Variants in TBCE observed in about 807,000 individuals in gnomAD.
The protein encoded by TBCE is tubulin folding cofactor E.
In TBCE, 53 loss-of-function variants were observed where a neutral mutation model predicts 77.0. That is an observed-to-expected ratio of 0.69 (90% CI 0.55 to 0.87). TBCE has a LOEUF of 0.87. Among genes scored for constraint, TBCE ranks in the 40% least tolerant of loss-of-function variants. The pLI, the probability that TBCE is intolerant of heterozygous loss-of-function variation, is 0.00. For missense variants in TBCE, 624 were observed against 622.4 expected, an observed-to-expected ratio of 1.00 and a Z score of -0.03; for synonymous variants, 235 against 241.3, an observed-to-expected ratio of 0.97 and a Z score of 0.24.
intron 1 of TBCE, among the ~76,000 whole-genome samples, chr1:235,373,187 G>T (rs772075410): frequency 2.0e-5 from 3 of 151,926 alleles, no homozygotes; most frequent in African/African-American, 7.3e-5. Context: ...GTTAATAAAA[G>T]AAGTAGAACA....
intron 14 of TBCE, among the ~76,000 whole-genome samples, chr1:235,442,461 C>T (rs929070181): frequency 5.9e-5 from 9 of 151,776 alleles, no homozygotes; most frequent in Non-Finnish European, 8.8e-5. Flanking sequence ...TGAGCTACCG[C>T]GCCCTGTCAA....
Position 235,435,817 on chromosome 1 carries a change from G to A in TBCE, c.810G>A (p.Leu270=). ...ATCAATTAATTGATGAAAATCAGCT[G>A]TATCTGATAGCCCACCTGCCCAGGT... ...SSNQLIDENQ[L]YLIAHLPRLE... The change falls in exon 9 of 17, where the codon CTG becomes CTA. Residue 270 remains leucine (L), a synonymous_variant. Coordinates refer to ENST00000642610, the MANE Select transcript of TBCE (RefSeq NM_003193.5). 1.2e-6 allele frequency: 2 copies of A among 1,614,094 alleles called. No individual in the cohort carries two copies. Among genetic ancestry groups the A allele is most frequent in the Admixed American group, 1.7e-5 (1 of 60,008 alleles).
chr1:235,441,909 A>G lies in TBCE; in HGVS notation c.1339+27A>G, dbSNP rs571516848. The G allele has an allele frequency of 1.6e-5, 26 of 1,603,480 alleles. No individual in the cohort carries two copies. The East Asian group carries it at 4.5e-4, about 28-fold the overall frequency. On this transcript the variant is annotated intron_variant, in intron 14 of 16. Transcript: ENST00000642610. ...TAAGAATCTCAGATTCAAATAGTTT[A>G]TTTGTATTTGAGTGCTTAGGTGCTG...
intron 9 of TBCE, 85 bp from the exon 10 acceptor site, chr1:235,436,301 A>G: frequency 7.3e-7 from 1 of 1,366,080 alleles, no homozygotes; most frequent in Non-Finnish European, 1.0e-6. Context: ...GGGTGTAGGA[A>G]AAAAATTTAC....
chr1:235,371,699 T>A (rs777943863), intron 1 of TBCE, among the ~76,000 whole-genome samples: 7 of 148,196 alleles, frequency 4.7e-5, no homozygotes, highest in Non-Finnish European at 9.0e-5. Context: ...TGAGACAGAG[T>A]TTTGCTCTTG....
At chr1:235,404,033 C>T (rs1679272452) in intron 3 of TBCE, among the ~76,000 whole-genome samples, 1 of 152,156 alleles carries the variant, frequency 6.6e-6, no homozygotes, top group South Asian at 2.1e-4. Context: ...AATCCCAGCA[C>T]TTTGGGAGGC....
chr1:235,432,996 C>T (rs746908693), intron 7 of TBCE: 83 of 1,506,854 alleles, frequency 5.5e-5, no homozygotes, highest in African/African-American at 5.6e-5. Context: ...TGCAGAAAGA[C>T]GCCAGCAAGT....
At chr1:235,400,421 G>A (rs1175201357) in intron 2 of TBCE, among the ~76,000 whole-genome samples, 2 of 15,898 alleles carry the variant, frequency 1.3e-4, no homozygotes, top group Admixed American at 5.1e-4. Flanking sequence ...TTTTTTTTGA[G>A]ATGGAGTCTC....
chr1:235,441,567 ACTGGTCATTAACAATGAGCTAGATAAG>A, intron 13 of TBCE: 1 of 530,212 alleles, frequency 1.9e-6, no homozygotes, highest in Admixed American at 3.3e-5. Flanking sequence ...GTTGAGTTTC[ACTGGTCATTAACAATGAGCTAGATAAG>A]CTACAGAGTC....
Position 235,450,223 on chromosome 1 carries a change from G to C in TBCE, c.*1461G>C, listed in dbSNP as rs151155734. 4.2e-5 allele frequency: 68 copies of C among 1,613,874 alleles called. No individual in the cohort carries two copies. Among genetic ancestry groups the C allele is most frequent in the Non-Finnish European group, 5.6e-5 (66 of 1,179,988 alleles). ...AGTCCCTGTTATCTTGCTTGACATCGACAAGGATCACCGCACCGTTCCTTC... is the reference window on the plus strand; with the variant it reads ...AGTCCCTGTTATCTTGCTTGACATCCACAAGGATCACCGCACCGTTCCTTC... On this transcript the variant is annotated 3_prime_UTR_variant, in exon 17 of 17. Coordinates refer to ENST00000642610, the MANE Select transcript of TBCE (RefSeq NM_003193.5).
At chr1:235,370,552 T>C (rs1676859697) in intron 1 of TBCE, among the ~76,000 whole-genome samples, 1 of 99,408 alleles carries the variant, frequency 1.0e-5, no homozygotes, top group Non-Finnish European at 1.9e-5. Flanking sequence ...CACCCGGCAT[T>C]TTTTTTTTTT....
At chr1:235,418,196 T>A (rs1477692281) in intron 4 of TBCE, among the ~76,000 whole-genome samples, 1 of 152,218 alleles carries the variant, frequency 6.6e-6, no homozygotes, top group South Asian at 2.1e-4. Context: ...CGCACAATAT[T>A]GCATTGTATA....
At chr1:235,368,597 G>A (rs1453170366) in intron 1 of TBCE, among the ~76,000 whole-genome samples, 3 of 107,918 alleles carry the variant, frequency 2.8e-5, no homozygotes, top group African/African-American at 1.1e-4. Context: ...TTGCTCTGTC[G>A]CCCAAGGCTG....
intron 5 of TBCE, among the ~76,000 whole-genome samples, chr1:235,422,755 G>A (rs918031561): frequency 6.6e-6 from 1 of 152,166 alleles, no homozygotes; most frequent in African/African-American, 2.4e-5. Context: ...CTTGAACCTG[G>A]GAGGCAGAGG....
intron 3 of TBCE, among the ~76,000 whole-genome samples, chr1:235,404,672 ATT>A (rs937296695): frequency 6.9e-6 from 1 of 145,188 alleles, no homozygotes. Flanking sequence ...TAAACTTTAA[ATT>A]TTTTTTTTTT....
rs540159180 is a variant in TBCE, at chr1:235,410,316, G to A, written c.186-4117G>A. Among the ~76,000 whole-genome samples the A allele has an allele frequency of 5.1e-4, 78 of 152,254 alleles. 2 individuals are homozygous for A. Among genetic ancestry groups the A allele is most frequent in the Admixed American group, 4.2e-3 (64 of 15,288 alleles). On this transcript the variant is annotated intron_variant, in intron 3 of 16. Transcript: ENST00000642610. Reference sequence around the variant, plus strand: ...GCAGAACAGTCCCGAGGACTGCTGGGTGCCCATTTTTATGGTTATTTCTTG... The same window carrying A: ...GCAGAACAGTCCCGAGGACTGCTGGATGCCCATTTTTATGGTTATTTCTTG...
At chr1:235,413,203 G>A (rs1026788676) in intron 3 of TBCE, among the ~76,000 whole-genome samples, 8 of 152,056 alleles carry the variant, frequency 5.3e-5, no homozygotes, top group South Asian at 2.1e-4. Flanking sequence ...AAAAAAGTAC[G>A]AAAAGTGTTA....
chr1:235,426,051 C>T (rs1017121321), intron 5 of TBCE, among the ~76,000 whole-genome samples: 4 of 152,224 alleles, frequency 2.6e-5, no homozygotes, highest in African/African-American at 9.6e-5. Flanking sequence ...TAAATAATTA[C>T]TTGCAGAATA....
At chr1:235,393,647 A>C (rs1380491396) in intron 2 of TBCE, among the ~76,000 whole-genome samples, 3 of 152,176 alleles carry the variant, frequency 2.0e-5, no homozygotes, top group Non-Finnish European at 4.4e-5. Context: ...TATTGAAATA[A>C]TAATACCTGG....
Sources: allele counts gnomAD v4.1 joint callset (sites outside exome capture counted in the v4.1 genomes callset), GRCh38; gene constraint gnomAD v4.1.1; transcripts MANE v1.5; gene names NCBI Gene and HGNC (gene_info 2026-07-23, HGNC 2026-07-21).